Variants in RALGAPA2 observed in about 807,000 individuals in gnomAD.
RALGAPA2 encodes the protein Ral GTPase activating protein catalytic subunit alpha 2, also known as ral GTPase-activating protein subunit alpha-2.
A neutral mutation model predicts 230.4 loss-of-function variants in RALGAPA2; 139 were observed. The observed-to-expected ratio is 0.60, with a 90% CI of 0.53 to 0.69. The LOEUF (loss-of-function observed/expected upper bound fraction) is 0.69, where lower values mean the gene tolerates loss of function less well. Among genes scored for constraint, RALGAPA2 ranks in the 30% least tolerant of loss-of-function variants. RALGAPA2 has a pLI of 0.00. For missense variants in RALGAPA2, 2,163 were observed against 2,276.0 expected, an observed-to-expected ratio of 0.95 and a Z score of 1.01; for synonymous variants, 847 against 837.8, an observed-to-expected ratio of 1.01 and a Z score of -0.19.
chr20:20,536,099 A>G (rs956564127), intron 25 of RALGAPA2, among the ~76,000 whole-genome samples: 4 of 152,224 alleles, frequency 2.6e-5, no homozygotes, highest in Admixed American at 1.3e-4. Context: ...TTTTACTTCA[A>G]TTGAATTATA....
At chr20:20,531,600 T>TA in intron 27 of RALGAPA2, 87 bp downstream of exon 27, 3 of 1,127,886 alleles carry the variant, frequency 2.7e-6, no homozygotes, top group Non-Finnish European at 3.9e-6. Flanking sequence ...ATTTGGGGGA[T>TA]AAAAAAGATG....
intron 35 of RALGAPA2, among the ~76,000 whole-genome samples, chr20:20,497,741 C>T (rs1448009538): frequency 1.3e-5 from 2 of 152,198 alleles, no homozygotes; most frequent in African/African-American, 2.4e-5. Context: ...CTCAGAACTA[C>T]AGCGAGGGAG....
intron 25 of RALGAPA2, 138 bp from the exon 26 acceptor site, chr20:20,535,941 T>C: frequency 1.5e-6 from 2 of 1,336,714 alleles, no homozygotes; most frequent in South Asian, 1.9e-5. Context: ...AGTGAGAGCC[T>C]GGGGGGAAGA....
At chr20:20,699,777 G>A (rs2069268372) in intron 1 of RALGAPA2, among the ~76,000 whole-genome samples, 1 of 152,060 alleles carries the variant, frequency 6.6e-6, no homozygotes, top group African/African-American at 2.4e-5. Flanking sequence ...ACACCAGTCA[G>A]AATGGTTATT....
Position 20,629,440 on chromosome 20 carries a change from T to C in RALGAPA2, c.1156A>G (p.Met386Val), listed in dbSNP as rs758564189. ...ATCCGCTGTACCATTTCATACACCA[T>C]TCGGTGCTCTTCTTCAATGCTACAG... ...SLCSIEEEHR[M>V]VYEMVQRILL... Residue 386 changes from methionine to valine, a missense_variant, in exon 10 of 40, where the codon ATG becomes GTG. By Grantham distance (21) the Met-to-Val change is conservative (BLOSUM62 1). Transcript: ENST00000202677. 1 of 1,613,790 alleles carries C rather than the reference T, an allele frequency of 6.2e-7. No individual in the cohort carries two copies.
chr20:20,393,297 G>A (rs189703810), intron 39 of RALGAPA2, 44 bp from the exon 40 acceptor site: 10 of 1,236,470 alleles, frequency 8.1e-6, no homozygotes, highest in South Asian at 4.3e-5. Context: ...AGGCAACGGC[G>A]GCTCTACGGC....
At chr20:20,526,227 T>C (rs1569463241) in intron 28 of RALGAPA2, 25 bp downstream of exon 28, 1 of 1,439,742 alleles carries the variant, frequency 6.9e-7, no homozygotes, top group South Asian at 1.2e-5. Context: ...GCTTATGTTT[T>C]AGTATTACAG....
chr20:20,397,229 C>T (rs2059736568), intron 38 of RALGAPA2, among the ~76,000 whole-genome samples: 1 of 152,222 alleles, frequency 6.6e-6, no homozygotes, highest in African/African-American at 2.4e-5. Flanking sequence ...CTGAGTTATA[C>T]ACAGTGTGTT....
chr20:20,505,252 A>T, intron 34 of RALGAPA2, 159 bp downstream of exon 34: 1 of 914,024 alleles, frequency 1.1e-6, no homozygotes. Context: ...ACTGACAAGC[A>T]ACTAACAGAT....
At chr20:20,520,226 T>A (rs2062995876) in intron 31 of RALGAPA2, among the ~76,000 whole-genome samples, 1 of 152,118 alleles carries the variant, frequency 6.6e-6, no homozygotes, top group Admixed American at 6.5e-5. Flanking sequence ...GTTCACCAGT[T>A]TTACATGCAT....
intron 3 of RALGAPA2, among the ~76,000 whole-genome samples, chr20:20,673,227 A>G (rs2146769428): frequency 6.6e-6 from 1 of 151,338 alleles, no homozygotes; most frequent in South Asian, 2.1e-4. Context: ...ATAAAATTTA[A>G]AAAAATGAAA....
At chr20:20,563,134 T>C (rs1184400045) in intron 23 of RALGAPA2, among the ~76,000 whole-genome samples, 1 of 152,228 alleles carries the variant, frequency 6.6e-6, no homozygotes, top group Non-Finnish European at 1.5e-5. Flanking sequence ...AGGAGAGGAC[T>C]GTCATCTCTC....
intron 20 of RALGAPA2, among the ~76,000 whole-genome samples, chr20:20,576,769 T>G (rs6046941): frequency 0.042 from 6,445 of 152,182 alleles, 178 homozygotes; most frequent in African/African-American, 0.066. Flanking sequence ...ATCCTTTATT[T>G]TTATAGATCT....
In RALGAPA2 at chr20:20,605,364, G is replaced by A. The variant is rs765629805; in HGVS notation, c.1849C>T (p.Arg617Ter). Reference protein sequence around the residue: ...IRANLCVYISRELWDDFLGVL... With the variant: ...IRANLCVYIS ...CCAAGAAAGTCATCCCAGAGCTCTC[G>A]AGAAATGTACACACAGAGGTTTGCT... is the stretch of plus-strand genomic sequence containing the variant. Residue 617 changes from arginine to a stop codon, truncating the protein, a stop_gained, in exon 15 of 40, where the codon CGA becomes TGA. Coordinates refer to ENST00000202677, the MANE Select transcript of RALGAPA2 (RefSeq NM_020343.4). LOFTEE classifies it high-confidence loss of function. 11 of 1,613,666 alleles carry A rather than the reference G, an allele frequency of 6.8e-6. No individual in the cohort carries two copies. Among genetic ancestry groups the A allele is most frequent in the Admixed American group, 6.7e-5 (4 of 59,986 alleles).
At chr20:20,614,579 A>G (rs1045001932) in intron 13 of RALGAPA2, among the ~76,000 whole-genome samples, 1 of 152,172 alleles carries the variant, frequency 6.6e-6, no homozygotes, top group Non-Finnish European at 1.5e-5. Flanking sequence ...TAACTTGGCA[A>G]ATAGTGCTAA....
At chr20:20,633,440 GGTCT>G (rs2066754712) in intron 9 of RALGAPA2, among the ~76,000 whole-genome samples, 1 of 150,830 alleles carries the variant, frequency 6.6e-6, no homozygotes, top group Non-Finnish European at 1.5e-5. Context: ...CAGCCTACTG[GGTCT>G]TATTTCTACC....
intron 37 of RALGAPA2, among the ~76,000 whole-genome samples, chr20:20,451,167 G>A (rs755365550): frequency 1.3e-5 from 2 of 152,128 alleles, no homozygotes; most frequent in Non-Finnish European, 2.9e-5. Context: ...TTGAAAAATG[G>A]CATCAAAACT....
At chr20:20,598,078 T>C (rs2146173985) in intron 16 of RALGAPA2, among the ~76,000 whole-genome samples, 1 of 152,316 alleles carries the variant, frequency 6.6e-6, no homozygotes, top group East Asian at 1.9e-4. Context: ...ATAAAAAATG[T>C]ACTGTGTGTA....
intron 16 of RALGAPA2, chr20:20,598,744 A>T (rs1201339236): frequency 2.2e-6 from 1 of 456,496 alleles, no homozygotes; most frequent in Admixed American, 2.3e-5. Flanking sequence ...GGTGTGAAGG[A>T]GGAGCGGGAC....
Sources: gnomAD v4.1 joint callset for allele counts (sites outside exome capture counted in the v4.1 genomes callset) on GRCh38, gnomAD v4.1.1 for gene constraint, MANE v1.5 for transcripts, NCBI Gene and HGNC (gene_info 2026-07-23, HGNC 2026-07-21) for gene names.